ADAMTSL3: variants seen among roughly 807,000 people sequenced by gnomAD.
ADAMTSL3 encodes the protein ADAMTS like 3, also known as ADAMTS-like protein 3.
In ADAMTSL3, 128 loss-of-function variants were observed where a neutral mutation model predicts 201.7. The observed-to-expected ratio is 0.63, with a 90% CI of 0.55 to 0.73. ADAMTSL3 has a LOEUF of 0.73. Ranked by LOEUF, ADAMTSL3 falls within the 30% of genes least tolerant of loss-of-function variation. The pLI is 0.00. For missense variants in ADAMTSL3, 1,990 were observed against 2,119.6 expected (o/e 0.94, Z 1.20); for synonymous variants, 738 against 748.4 (o/e 0.99, Z 0.23).
intron 16 of ADAMTSL3, among the ~76,000 whole-genome samples, chr15:83,917,912 CTG>C (rs2066068626): frequency 1.3e-5 from 2 of 152,186 alleles, no homozygotes; most frequent in East Asian, 1.9e-4. Context: ...GTGTGGTACA[CTG>C]TATTAATAAA....
chr15:83,705,467 C>G (rs545773242), intron 3 of ADAMTSL3, among the ~76,000 whole-genome samples: 1 of 152,252 alleles, frequency 6.6e-6, no homozygotes, highest in African/African-American at 2.4e-5. Context: ...AGACAGTACT[C>G]AAAAGGAACA....
chr15:83,662,503 T>A (rs2061185409), intron 2 of ADAMTSL3, among the ~76,000 whole-genome samples: 1 of 146,752 alleles, frequency 6.8e-6, no homozygotes, highest in Admixed American at 6.9e-5. Flanking sequence ...CGCACCAGCA[T>A]GGCACATGTA....
chr15:83,793,880 C>G (rs79007383), intron 4 of ADAMTSL3, among the ~76,000 whole-genome samples: 7,839 of 152,208 alleles, frequency 0.052, 356 homozygotes, highest in Admixed American at 0.14. Flanking sequence ...GAGGAATAAA[C>G]AAATGAGATC....
At chr15:83,796,580 A>G (rs906626473) in intron 4 of ADAMTSL3, among the ~76,000 whole-genome samples, 1 of 152,236 alleles carries the variant, frequency 6.6e-6, no homozygotes, top group Non-Finnish European at 1.5e-5. Flanking sequence ...ATGTTAATCT[A>G]TAAGCATAAT....
chr15:83,728,921 T>C (rs1430300835), intron 3 of ADAMTSL3, among the ~76,000 whole-genome samples: 1 of 152,158 alleles, frequency 6.6e-6, no homozygotes, highest in Non-Finnish European at 1.5e-5. Context: ...CTTTAGCGTT[T>C]CTTGCAGAGC....
intron 7 of ADAMTSL3, among the ~76,000 whole-genome samples, chr15:83,857,796 A>G (rs2141770869): frequency 6.6e-6 from 1 of 152,332 alleles, no homozygotes; most frequent in African/African-American, 2.4e-5. Flanking sequence ...TTCACTCTGG[A>G]GAGTTTATCC....
chr15:83,870,749 A>T (rs2065064700), intron 8 of ADAMTSL3, 53 bp from the exon 9 acceptor site: 1 of 1,428,590 alleles, frequency 7.0e-7, no homozygotes, highest in South Asian at 1.4e-5. Flanking sequence ...TGTCTTTTGT[A>T]ATAAAATACC....
chr15:84,017,831 G>A (rs2068115562), intron 25 of ADAMTSL3, among the ~76,000 whole-genome samples: 2 of 152,206 alleles, frequency 1.3e-5, no homozygotes, highest in South Asian at 4.1e-4. Flanking sequence ...TCCTTGAGAA[G>A]CTCACAGTCT....
chr15:83,953,622 C>T (rs1448369853), intron 19 of ADAMTSL3, among the ~76,000 whole-genome samples: 1 of 152,122 alleles, frequency 6.6e-6, no homozygotes, highest in Non-Finnish European at 1.5e-5. Context: ...CTTACTATTA[C>T]CAGTGAGTTT....
chr15:83,754,131 A>G (rs1167614479), intron 3 of ADAMTSL3, among the ~76,000 whole-genome samples: 1 of 152,182 alleles, frequency 6.6e-6, no homozygotes, highest in Non-Finnish European at 1.5e-5. Context: ...GCCTCCACCC[A>G]TTAATGCCAG....
chr15:84,031,224 A>G (rs946030308), intron 27 of ADAMTSL3, 111 bp from the exon 28 acceptor site: 5 of 1,042,098 alleles, frequency 4.8e-6, no homozygotes, highest in Non-Finnish European at 7.3e-6. Context: ...ACAGTTGGTT[A>G]CAGTCCCCTT....
At position 83,870,813 on chromosome 15, in the gene ADAMTSL3, A is replaced by G. The variant is rs1407111752; in HGVS notation, c.814A>G (p.Lys272Glu). 1.3e-6 allele frequency: 2 copies of G among 1,581,632 alleles called. No homozygotes were observed. The highest frequency in any genetic ancestry group is 1.7e-6 in the Non-Finnish European group (2 of 1,169,626). The change falls in exon 9 of 30, where the codon AAA becomes GAA. Residue 272 changes from lysine to glutamate, a missense_variant. By Grantham distance (56) the Lys-to-Glu change is moderately conservative. Transcript: ENST00000286744. ...KGPAHLFIES[K>E]TLQGSKGEHS... ...TATTTTAATTTTAGTTATTGAATCA[A>G]AAACACTTCAAGGAAGCAAAGGAGA...
rs117359341 is a variant in ADAMTSL3, at chr15:84,025,184, C to T, written c.4458-54C>T. The T allele has an allele frequency of 9.3e-5, 137 of 1,478,538 alleles. 1 individual carries two copies. In the East Asian group the frequency reaches 1.5e-3, roughly 16 times the overall value. 91.6% of individuals were successfully genotyped at this position (1,478,538 alleles called of 1,614,324 possible). A position where few individuals can be genotyped will look rare whatever the true frequency, so the allele number is the denominator to read the frequency against. On this transcript the variant is annotated intron_variant, in intron 26 of 29. Coordinates refer to ENST00000286744, the MANE Select transcript of ADAMTSL3 (RefSeq NM_207517.3). ...GCTTTTTCCTTTGATGAGACGCCCC[C>T]TCTAAGATCTGGCATACCAGTCCTT...
At chr15:83,866,804 C>G (rs549023895) in intron 8 of ADAMTSL3, among the ~76,000 whole-genome samples, 1 of 152,098 alleles carries the variant, frequency 6.6e-6, no homozygotes, top group East Asian at 1.9e-4. Flanking sequence ...GGCAAAAATT[C>G]ATTTATGTGT....
chr15:84,027,869 T>G (rs2068339234), intron 27 of ADAMTSL3, among the ~76,000 whole-genome samples: 1 of 151,920 alleles, frequency 6.6e-6, no homozygotes, highest in South Asian at 2.1e-4. Context: ...AATTGGTGAG[T>G]AGATGAGCTG....
chr15:83,756,928 C>T (rs2062730825), intron 3 of ADAMTSL3, among the ~76,000 whole-genome samples: 1 of 152,216 alleles, frequency 6.6e-6, no homozygotes, highest in Non-Finnish European at 1.5e-5. Flanking sequence ...CCTTTGACTC[C>T]ATCTCTCACA....
intron 8 of ADAMTSL3, among the ~76,000 whole-genome samples, chr15:83,861,052 C>T (rs1427193824): frequency 2.0e-5 from 3 of 152,166 alleles, no homozygotes; most frequent in South Asian, 4.1e-4. Flanking sequence ...CCTATGCCCA[C>T]GGAGCCTTGC....
chr15:83,838,176 G>A lies in ADAMTSL3; in HGVS notation c.688G>A (p.Val230Ile). 6.2e-7 allele frequency: 1 copy of A among 1,613,298 alleles called. No individual in the cohort carries two copies. The highest frequency in any genetic ancestry group is 8.5e-7 in the Non-Finnish European group (1 of 1,179,678). Residue 230 changes from valine (V) to isoleucine (I), a missense_variant, in exon 7 of 30, where the codon GTA becomes ATA. Coordinates refer to ENST00000286744, the MANE Select transcript of ADAMTSL3 (RefSeq NM_207517.3). ...CGGCGATGGCTCCACCTGCAGGCTT[G>A]TACGGGGACAATCAAAGTCACACGT... ...CAGDGSTCRL[V>I]RGQSKSHVSP...
At chr15:83,823,913 CT>C (rs2063942117) in intron 6 of ADAMTSL3, among the ~76,000 whole-genome samples, 5 of 75,708 alleles carry the variant, frequency 6.6e-5, no homozygotes, top group African/African-American at 2.2e-4. Flanking sequence ...TCTTCTTCTT[CT>C]TCTTCTTCTT....
Sources: gnomAD v4.1 joint callset for allele counts (sites outside exome capture counted in the v4.1 genomes callset) on GRCh38, gnomAD v4.1.1 for gene constraint, MANE v1.5 for transcripts, NCBI Gene and HGNC (gene_info 2026-07-23, HGNC 2026-07-21) for gene names.